The following ZNF407 variants were observed in gnomAD, a reference collection of about 807,000 sequenced individuals.
The protein encoded by ZNF407 is zinc finger protein 407.
Under a neutral mutation model 131.2 loss-of-function variants are expected in ZNF407, and 17 were observed. That is an observed-to-expected ratio of 0.13 (90% CI 0.09 to 0.19). The LOEUF is 0.19. Ranked by LOEUF, ZNF407 falls within the 10% of genes least tolerant of loss-of-function variation. ZNF407 has a pLI of 1.00. For missense variants in ZNF407, 2,681 were observed against 2,830.6 expected (o/e 0.95, Z 1.20); for synonymous variants, 1,156 against 1,062.0 (o/e 1.09, Z -1.72).
At chr18:74,994,547 G>A (rs1403383297) in intron 8 of ZNF407, among the ~76,000 whole-genome samples, 1 of 152,214 alleles carries the variant, frequency 6.6e-6, no homozygotes, top group Non-Finnish European at 1.5e-5. Flanking sequence ...AAACAGTCAG[G>A]AAGGAGGCCA....
intron 4 of ZNF407, among the ~76,000 whole-genome samples, chr18:74,830,908 C>T (rs983662151): frequency 1.3e-5 from 2 of 152,128 alleles, no homozygotes; most frequent in Non-Finnish European, 2.9e-5. Context: ...CAATGTCTCC[C>T]TATCCCTCCC....
rs1273955732 is a variant in ZNF407 at position 74,631,027 on chromosome 18, A to G, written c.8A>G (p.Asp3Gly). The G allele has an allele frequency of 6.2e-7, 1 of 1,608,088 alleles. No individual in the cohort carries two copies. Among genetic ancestry groups the G allele is most frequent in the African/African-American group, 1.3e-5 (1 of 74,718 alleles). Residue 3 changes from aspartate to glycine, a missense_variant, in exon 2 of 9, where the codon GAT becomes GGT. Physicochemically the swap from Asp to Gly is moderately conservative, Grantham distance 94. This residue lies in a region of ZNF407 where 1,789 missense variants were observed against 1,748.7 expected (regional missense o/e 1.02). Coordinates refer to ENST00000299687, the MANE Select transcript of ZNF407 (RefSeq NM_017757.3). ...ATCGTCAGCACTTTATTAATGATGG[A>G]TAGTGAGAATAAACCCGAAAATGAT... Reference protein sequence around the residue: MMDSENKPENDED... With the variant: MMGSENKPENDED...
intron 8 of ZNF407, among the ~76,000 whole-genome samples, chr18:74,970,419 T>C (rs2145302611): frequency 6.6e-6 from 1 of 152,226 alleles, no homozygotes; most frequent in East Asian, 1.9e-4. Context: ...GCCTGTAAAA[T>C]CAAAAGCAAG....
At chr18:74,667,259 G>C (rs539450677) in intron 3 of ZNF407, among the ~76,000 whole-genome samples, 3 of 152,272 alleles carry the variant, frequency 2.0e-5, no homozygotes, top group African/African-American at 7.2e-5. Context: ...CACTCAAACT[G>C]TGCTTTTGCC....
intron 8 of ZNF407, among the ~76,000 whole-genome samples, chr18:74,990,608 G>C (rs1972707042): frequency 6.6e-6 from 1 of 152,194 alleles, no homozygotes; most frequent in African/African-American, 2.4e-5. Flanking sequence ...AAAATGCTAA[G>C]TGTAGCTGAG....
At chr18:74,882,849 C>T (rs1435300976) in intron 6 of ZNF407, among the ~76,000 whole-genome samples, 1 of 152,180 alleles carries the variant, frequency 6.6e-6, no homozygotes, top group African/African-American at 2.4e-5. Context: ...ACAGTATGCT[C>T]ATGAGGGCTT....
At chr18:74,803,736 T>G (rs923860430) in intron 4 of ZNF407, among the ~76,000 whole-genome samples, 1 of 152,230 alleles carries the variant, frequency 6.6e-6, no homozygotes, top group African/African-American at 2.4e-5. Context: ...TCTAGTTTGG[T>G]CACATTTATA....
chr18:75,022,312 G>A (rs1372677193), intron 8 of ZNF407, among the ~76,000 whole-genome samples: 1 of 152,138 alleles, frequency 6.6e-6, no homozygotes, highest in Non-Finnish European at 1.5e-5. Flanking sequence ...GAGAAAGAAA[G>A]TGAGAGAACT....
At chr18:74,599,415 TC>T (rs1982477564) in intron 1 of ZNF407, among the ~76,000 whole-genome samples, 1 of 152,206 alleles carries the variant, frequency 6.6e-6, no homozygotes, top group Non-Finnish European at 1.5e-5. Flanking sequence ...TGGCTCCACT[TC>T]AAAAACACTG....
chr18:74,769,927 A>T (rs1188298031), intron 3 of ZNF407, among the ~76,000 whole-genome samples: 4 of 152,230 alleles, frequency 2.6e-5, no homozygotes, highest in African/African-American at 9.6e-5. Context: ...AGAGAGACAC[A>T]GGACAGTTGA....
intron 1 of ZNF407, among the ~76,000 whole-genome samples, chr18:74,619,795 A>G (rs1336698674): frequency 6.6e-6 from 1 of 152,208 alleles, no homozygotes; most frequent in African/African-American, 2.4e-5. Context: ...GTGAAACAGC[A>G]AATCCCATTT....
chr18:75,064,656 G>C lies in ZNF407; in HGVS notation c.*188G>C, dbSNP rs1184252502. The C allele has an allele frequency of 5.5e-6, 3 of 549,060 alleles. No homozygotes were observed. In the African/African-American group the frequency reaches 5.6e-5, roughly 10 times the overall value. The allele number at this position is 549,060 out of a possible 1,614,324, so 34.0% of individuals were successfully genotyped here. On this transcript the variant is annotated 3_prime_UTR_variant, in exon 9 of 9. Coordinates refer to ENST00000299687, the MANE Select transcript of ZNF407 (RefSeq NM_017757.3). The stretch of plus-strand genomic sequence containing the variant: ...CCAGGCGCCCACAGAGGGTACCGTG[G>C]GCTGGGCCTCGGGGAGCAGGCTGCC...
chr18:74,997,831 G>A (rs1319201824), intron 8 of ZNF407, among the ~76,000 whole-genome samples: 6 of 152,160 alleles, frequency 3.9e-5, no homozygotes, highest in South Asian at 2.1e-4. Flanking sequence ...GTCTAAAAAC[G>A]AAAAATGCTC....
At chr18:74,770,021 G>A (rs1313011910) in intron 3 of ZNF407, among the ~76,000 whole-genome samples, 1 of 152,092 alleles carries the variant, frequency 6.6e-6, no homozygotes, top group African/African-American at 2.4e-5. Context: ...AGTCTTTGGG[G>A]GCTTAATGGA....
At chr18:74,727,251 G>A (rs1481266154) in intron 3 of ZNF407, among the ~76,000 whole-genome samples, 1 of 152,210 alleles carries the variant, frequency 6.6e-6, no homozygotes, top group African/African-American at 2.4e-5. Context: ...GTAGAACGGT[G>A]GTGAAGAGGA....
chr18:74,793,529 A>G (rs572693200), intron 4 of ZNF407, among the ~76,000 whole-genome samples: 1 of 152,334 alleles, frequency 6.6e-6, no homozygotes, highest in East Asian at 1.9e-4. Flanking sequence ...AAAGGAGAAA[A>G]GTTTGTTGAA....
intron 6 of ZNF407, among the ~76,000 whole-genome samples, chr18:74,883,323 T>C (rs1004206543): frequency 2.6e-5 from 4 of 152,236 alleles, no homozygotes; most frequent in Non-Finnish European, 5.9e-5. Flanking sequence ...TTAAAATATT[T>C]AAGCAACACA....
At chr18:74,811,468 A>G (rs1159912388) in intron 4 of ZNF407, among the ~76,000 whole-genome samples, 2 of 152,180 alleles carry the variant, frequency 1.3e-5, no homozygotes, top group Non-Finnish European at 2.9e-5. Flanking sequence ...CAGTGTGGCT[A>G]TTCCTCAGGT....
At chr18:75,012,553 T>G (rs1972992118) in intron 8 of ZNF407, among the ~76,000 whole-genome samples, 1 of 152,222 alleles carries the variant, frequency 6.6e-6, no homozygotes, top group South Asian at 2.1e-4. Flanking sequence ...ATAAAAGCAT[T>G]TTTTTCCAAA....
Sources: allele counts gnomAD v4.1 joint callset (sites outside exome capture counted in the v4.1 genomes callset), GRCh38; gene constraint gnomAD v4.1.1; regional missense constraint gnomAD v4.1.1; transcripts MANE v1.5; gene names NCBI Gene and HGNC (gene_info 2026-07-23, HGNC 2026-07-21).